Variants in PLCL1 observed in about 807,000 individuals in gnomAD.
PLCL1 encodes phospholipase C like 1 (inactive).
A neutral mutation model predicts 84.4 loss-of-function variants in PLCL1; 41 were observed. The observed-to-expected ratio is 0.49, with a 90% CI of 0.38 to 0.63. The LOEUF (loss-of-function observed/expected upper bound fraction) is 0.63. Among genes scored for constraint, PLCL1 ranks in the 30% least tolerant of loss-of-function variants. The probability of loss-of-function intolerance (pLI) is 0.00; values close to 1 mark genes in which losing one functional copy is unlikely to be tolerated. For missense variants in PLCL1, 1,206 were observed against 1,367.8 expected (o/e 0.88, Z 1.87); for synonymous variants, 490 against 488.3 (o/e 1.00, Z -0.05).
intron 1 of PLCL1, among the ~76,000 whole-genome samples, chr2:197,957,934 A>G (rs1689524168): frequency 6.6e-6 from 1 of 152,084 alleles, no homozygotes; most frequent in Non-Finnish European, 1.5e-5. Context: ...AAGCAGATCC[A>G]CGTTATTAAT....
chr2:198,146,726 C>G (rs1559120683), intron 5 of PLCL1, 54 bp from the exon 6 acceptor site: 1 of 1,460,998 alleles, frequency 6.8e-7, no homozygotes, highest in East Asian at 2.3e-5. Flanking sequence ...TGTCACTCAG[C>G]ACATGCCTGG....
intron 1 of PLCL1, among the ~76,000 whole-genome samples, chr2:197,828,317 C>T (rs560869385): frequency 2.2e-4 from 33 of 152,134 alleles, no homozygotes; most frequent in South Asian, 2.1e-4. Flanking sequence ...ATTATTGAGA[C>T]GTTTTGATGA....
chr2:198,084,508 GATGCCA>G lies in PLCL1; in HGVS notation c.995_1000del (p.Ala332_Asn333del). 6.2e-7 allele frequency: 1 copy of G among 1,614,048 alleles called. No homozygotes were observed. The highest frequency in any genetic ancestry group is 8.5e-7 in the Non-Finnish European group (1 of 1,179,970). ...GATATCTAAAAACAAAGAATATTTG[GATGCCA>G]ATGATCTCATGCTCTTTTTAGAAGC... On this transcript the variant is annotated inframe_deletion, in exon 2 of 6. Transcript: ENST00000428675.
chr2:197,931,400 G>C (rs1272684893), intron 1 of PLCL1, among the ~76,000 whole-genome samples: 2 of 152,126 alleles, frequency 1.3e-5, no homozygotes, highest in Non-Finnish European at 2.9e-5. Context: ...TAATTACAAG[G>C]AGGCTCAGCT....
At chr2:198,044,596 G>A (rs995763955) in intron 1 of PLCL1, among the ~76,000 whole-genome samples, 2 of 151,960 alleles carry the variant, frequency 1.3e-5, no homozygotes, top group Non-Finnish European at 2.9e-5. Flanking sequence ...AAAACCATAG[G>A]GGTTTCAAAT....
At chr2:198,090,781 C>T (rs1196417683) in intron 3 of PLCL1, among the ~76,000 whole-genome samples, 1 of 152,150 alleles carries the variant, frequency 6.6e-6, no homozygotes, top group Non-Finnish European at 1.5e-5. Flanking sequence ...ACTTATTCCT[C>T]CACTTCTCTT....
intron 1 of PLCL1, among the ~76,000 whole-genome samples, chr2:198,013,304 T>A (rs1339834346): frequency 6.6e-6 from 1 of 152,056 alleles, no homozygotes; most frequent in African/African-American, 2.4e-5. Context: ...TGGTTCTAGG[T>A]TTTATATATG....
At chr2:197,815,093 T>C (rs1690661960) in intron 1 of PLCL1, among the ~76,000 whole-genome samples, 1 of 152,132 alleles carries the variant, frequency 6.6e-6, no homozygotes, top group Admixed American at 6.5e-5. Flanking sequence ...AAACCTCAAA[T>C]TAGAAGAAGG....
At chr2:197,982,807 G>T (rs574386017) in intron 1 of PLCL1, among the ~76,000 whole-genome samples, 5 of 152,172 alleles carry the variant, frequency 3.3e-5, no homozygotes, top group African/African-American at 4.8e-5. Context: ...GGAGGACCTC[G>T]CATCCATCTT....
chr2:197,984,242 A>G (rs1178055622), intron 1 of PLCL1, among the ~76,000 whole-genome samples: 1 of 152,222 alleles, frequency 6.6e-6, no homozygotes. Flanking sequence ...CGCATTACTG[A>G]TTAGAAGACA....
At chr2:198,106,651 T>G (rs1408193775) in intron 5 of PLCL1, among the ~76,000 whole-genome samples, 2 of 151,952 alleles carry the variant, frequency 1.3e-5, no homozygotes, top group Non-Finnish European at 2.9e-5. Flanking sequence ...TACCTGGGTC[T>G]CCAAGACTAG....
intron 1 of PLCL1, among the ~76,000 whole-genome samples, chr2:197,960,331 A>G (rs1298034340): frequency 6.6e-6 from 1 of 152,088 alleles, no homozygotes; most frequent in Non-Finnish European, 1.5e-5. Flanking sequence ...CAAATGTAAG[A>G]ATTACTTTCC....
chr2:198,086,011 G>A lies in PLCL1; in HGVS notation c.2494G>A (p.Val832Met). 1 of 1,614,032 alleles carries A rather than the reference G, an allele frequency of 6.2e-7. No homozygotes were observed. ...GYRHVPLRSF[V>M]GDIMEHVTLF... ...TCGGCATGTTCCCCTGCGTTCTTTT[G>A]TGGGTGACATCATGGAGCACGTAAC... Residue 832 changes from valine to methionine, a missense_variant, in exon 2 of 6, where the codon GTG (valine) becomes ATG (methionine). By Grantham distance (21) the Val-to-Met change is conservative. Coordinates refer to ENST00000428675, the MANE Select transcript of PLCL1 (RefSeq NM_006226.4).
intron 3 of PLCL1, among the ~76,000 whole-genome samples, chr2:198,094,462 C>T (rs752075216): frequency 2.6e-5 from 4 of 151,942 alleles, no homozygotes; most frequent in Non-Finnish European, 5.9e-5. Context: ...CAAAATGGGC[C>T]TATTGACGTG....
intron 1 of PLCL1, among the ~76,000 whole-genome samples, chr2:197,925,168 T>C (rs976715198): frequency 6.6e-6 from 1 of 152,164 alleles, no homozygotes; most frequent in African/African-American, 2.4e-5. Context: ...TTTCCCACAC[T>C]GAAAACTTTT....
intron 1 of PLCL1, among the ~76,000 whole-genome samples, chr2:198,078,572 C>G (rs1315701260): frequency 6.6e-6 from 1 of 151,702 alleles, no homozygotes; most frequent in Non-Finnish European, 1.5e-5. Flanking sequence ...AAATCTTTCC[C>G]TCCCTTACAC....
intron 1 of PLCL1, among the ~76,000 whole-genome samples, chr2:197,818,652 G>A (rs1393518822): frequency 6.6e-6 from 1 of 152,090 alleles, no homozygotes; most frequent in Non-Finnish European, 1.5e-5. Flanking sequence ...TACAGCACAT[G>A]CCACTGCACC....
intron 1 of PLCL1, among the ~76,000 whole-genome samples, chr2:198,031,375 A>G (rs1467869440): frequency 6.6e-6 from 1 of 151,980 alleles, no homozygotes; most frequent in East Asian, 1.9e-4. Flanking sequence ...GTGTCTTTAT[A>G]TATATATAAT....
chr2:197,824,655 A>C (rs937201946), intron 1 of PLCL1, among the ~76,000 whole-genome samples: 1 of 148,480 alleles, frequency 6.7e-6, no homozygotes, highest in South Asian at 2.2e-4. Flanking sequence ...TTGAGGCTGC[A>C]GTGAGCTATG....
Sources: allele counts gnomAD v4.1 joint callset (sites outside exome capture counted in the v4.1 genomes callset), GRCh38; gene constraint gnomAD v4.1.1; transcripts MANE v1.5; gene names NCBI Gene and HGNC (gene_info 2026-07-23, HGNC 2026-07-21).